Variants in LRRTM4 observed in about 807,000 individuals in gnomAD.
LRRTM4 encodes leucine-rich repeat transmembrane neuronal protein 4.
In LRRTM4, 25 loss-of-function variants were observed where a neutral mutation model predicts 47.6. The observed-to-expected ratio is 0.53, with a 90% CI of 0.38 to 0.73. The LOEUF (loss-of-function observed/expected upper bound fraction) is 0.73. Ranked by LOEUF, LRRTM4 falls within the 30% of genes least tolerant of loss-of-function variation. The probability of loss-of-function intolerance (pLI) is 0.00; values close to 1 mark genes in which losing one functional copy is unlikely to be tolerated. For synonymous variants in LRRTM4, 311 were observed against 269.5 expected (o/e 1.15, Z -1.51); for missense variants, 638 against 713.4 (o/e 0.89, Z 1.20).
intron 3 of LRRTM4, among the ~76,000 whole-genome samples, chr2:77,396,287 A>T (rs1673698983): frequency 1.3e-5 from 2 of 151,842 alleles, no homozygotes; most frequent in Admixed American, 1.3e-4. Flanking sequence ...CAAGAAAGTA[A>T]TCTCCACCAC....
At chr2:76,796,512 G>A (rs1333269402) in intron 3 of LRRTM4, among the ~76,000 whole-genome samples, 1 of 131,716 alleles carries the variant, frequency 7.6e-6, no homozygotes, top group Non-Finnish European at 1.6e-5. Flanking sequence ...CCTGACCCCA[G>A]AACACCCTAA....
At chr2:77,020,610 G>GGGA (rs34187082) in intron 3 of LRRTM4, among the ~76,000 whole-genome samples, 83,585 of 151,558 alleles carry the variant, frequency 0.55, 25,092 homozygotes, top group African/African-American at 0.79. Context: ...ATGTTTTTAA[G>GGGA]GTAGTAACAT....
chr2:76,878,748 C>T (rs2104095937), intron 3 of LRRTM4, among the ~76,000 whole-genome samples: 1 of 152,172 alleles, frequency 6.6e-6, no homozygotes, highest in East Asian at 1.9e-4. Context: ...GTGGTGGGTG[C>T]TTGGAATCCC....
chr2:77,012,499 G>T (rs1343690916), intron 3 of LRRTM4, among the ~76,000 whole-genome samples: 2 of 152,150 alleles, frequency 1.3e-5, no homozygotes, highest in African/African-American at 4.8e-5. Flanking sequence ...TTTAACTGCA[G>T]AGATACTGAA....
At chr2:77,367,263 C>G (rs763490943) in intron 3 of LRRTM4, among the ~76,000 whole-genome samples, 1 of 139,506 alleles carries the variant, frequency 7.2e-6, no homozygotes, top group Admixed American at 7.2e-5. Context: ...ATGGCACTCA[C>G]ACATATTGGT....
chr2:77,454,671 G>A (rs955252760), intron 3 of LRRTM4, among the ~76,000 whole-genome samples: 1 of 151,916 alleles, frequency 6.6e-6, no homozygotes. Flanking sequence ...AAATAAAAGG[G>A]TTTTTAAATT....
At chr2:77,169,785 C>T (rs1389375074) in intron 3 of LRRTM4, among the ~76,000 whole-genome samples, 1 of 152,134 alleles carries the variant, frequency 6.6e-6, no homozygotes, top group African/African-American at 2.4e-5. Context: ...AAAAATTACC[C>T]AGTCTGTGGT....
At chr2:77,144,889 C>G (rs1672214581) in intron 3 of LRRTM4, among the ~76,000 whole-genome samples, 2 of 152,088 alleles carry the variant, frequency 1.3e-5, no homozygotes, top group Admixed American at 6.6e-5. Context: ...AATTGTTACT[C>G]TCAAGATGTG....
At chr2:77,256,550 C>T (rs759236925) in intron 3 of LRRTM4, among the ~76,000 whole-genome samples, 1 of 152,086 alleles carries the variant, frequency 6.6e-6, no homozygotes, top group Non-Finnish European at 1.5e-5. Context: ...GAGTAAGTTT[C>T]ATGAGATCTT....
chr2:76,800,324 A>G (rs1270413788), intron 3 of LRRTM4, among the ~76,000 whole-genome samples: 3 of 147,690 alleles, frequency 2.0e-5, no homozygotes, highest in Non-Finnish European at 4.5e-5. Flanking sequence ...CTGATCTTTG[A>G]CAAACCTGAG....
chr2:77,504,399 G>C (rs1389751293), intron 3 of LRRTM4, among the ~76,000 whole-genome samples: 1 of 151,452 alleles, frequency 6.6e-6, no homozygotes, highest in Non-Finnish European at 1.5e-5. Context: ...GAAATAATTT[G>C]ACTACATAAA....
chr2:76,844,842 T>C (rs575695038), intron 3 of LRRTM4, among the ~76,000 whole-genome samples: 5 of 152,272 alleles, frequency 3.3e-5, no homozygotes, highest in South Asian at 2.1e-4. Context: ...AGCTTAGAGA[T>C]TGATTAGTCT....
At chr2:77,004,335 T>A (rs889245101) in intron 3 of LRRTM4, among the ~76,000 whole-genome samples, 7 of 152,180 alleles carry the variant, frequency 4.6e-5, no homozygotes, top group Non-Finnish European at 8.8e-5. Flanking sequence ...GTCCCCTGCA[T>A]CCCAACTGCT....
intron 3 of LRRTM4, among the ~76,000 whole-genome samples, chr2:76,833,878 T>C (rs1573185016): frequency 6.6e-6 from 1 of 151,878 alleles, no homozygotes; most frequent in East Asian, 1.9e-4. Flanking sequence ...AGACAATTTA[T>C]GTATTTTCTA....
chr2:76,760,906 G>A (rs545053052), intron 3 of LRRTM4, among the ~76,000 whole-genome samples: 21 of 152,286 alleles, frequency 1.4e-4, no homozygotes, highest in South Asian at 2.1e-4. Context: ...TCAGCCATCC[G>A]AAATGCCTTT....
intron 3 of LRRTM4, among the ~76,000 whole-genome samples, chr2:76,811,813 C>T (rs1045425892): frequency 6.6e-6 from 1 of 152,220 alleles, no homozygotes; most frequent in Non-Finnish European, 1.5e-5. Flanking sequence ...AATCCAAATT[C>T]TCAAGAGCCG....
In LRRTM4 at chr2:76,926,348, A is replaced by T. The variant is rs189652193; in HGVS notation, c.1552-177432T>A. Among the ~76,000 whole-genome samples, 59 of 152,082 alleles carry T rather than the reference A, an allele frequency of 3.9e-4. 1 individual carries two copies. Among genetic ancestry groups the T allele is most frequent in the Admixed American group, 3.9e-3 (59 of 15,264 alleles). On this transcript the variant is annotated intron_variant, in intron 3 of 3. Coordinates refer to ENST00000409884, the MANE Select transcript of LRRTM4 (RefSeq NM_001134745.3). ...ACCACTGCCAATCAACAATAGTACC[A>T]TATCACTCTATATTAGATCCAGCAA... is the stretch of plus-strand genomic sequence containing the variant.
chr2:77,194,474 T>C (rs1673759353), intron 3 of LRRTM4, among the ~76,000 whole-genome samples: 1 of 152,144 alleles, frequency 6.6e-6, no homozygotes, highest in South Asian at 2.1e-4. Flanking sequence ...TCTCAACTTG[T>C]AAAGCTGAAG....
intron 3 of LRRTM4, among the ~76,000 whole-genome samples, chr2:77,405,958 T>C (rs1041128266): frequency 6.6e-6 from 1 of 152,188 alleles, no homozygotes; most frequent in African/African-American, 2.4e-5. Flanking sequence ...AACAGAACTA[T>C]GTCTTGTTTA....
Sources: allele counts gnomAD v4.1 joint callset (sites outside exome capture counted in the v4.1 genomes callset), GRCh38; gene constraint gnomAD v4.1.1; transcripts MANE v1.5; gene names NCBI Gene and HGNC (gene_info 2026-07-23, HGNC 2026-07-21).